Variants in HIVEP3 observed in about 807,000 individuals in gnomAD.
HIVEP3 encodes HIVEP zinc finger 3, also known as transcription factor HIVEP3.
In HIVEP3, 49 loss-of-function variants were observed where a neutral mutation model predicts 152.8. That is an observed-to-expected ratio of 0.32 (90% CI 0.26 to 0.41). HIVEP3 has a LOEUF of 0.41. HIVEP3 is among the 10% of genes least tolerant of loss of function. The pLI is 1.00. For missense variants in HIVEP3, 2,790 were observed against 3,103.3 expected, an observed-to-expected ratio of 0.90 and a Z score of 2.40; for synonymous variants, 1,269 against 1,289.0, an observed-to-expected ratio of 0.98 and a Z score of 0.33.
chr1:41,880,598 G>A (rs770634625), intron 1 of HIVEP3, among the ~76,000 whole-genome samples: 5 of 152,298 alleles, frequency 3.3e-5, no homozygotes, highest in South Asian at 2.1e-4. Flanking sequence ...GAAGAAGAGC[G>A]GAGACTTCCG....
chr1:41,562,756 G>A (rs1374840699), intron 5 of HIVEP3, among the ~76,000 whole-genome samples: 1 of 152,106 alleles, frequency 6.6e-6, no homozygotes, highest in Non-Finnish European at 1.5e-5. Flanking sequence ...TGAATGACTG[G>A]AAGAGACAGA....
chr1:41,512,627 C>T (rs770369149), intron 8 of HIVEP3, among the ~76,000 whole-genome samples, 189 bp downstream of exon 8: 1 of 152,228 alleles, frequency 6.6e-6, no homozygotes, highest in African/African-American at 2.4e-5. Flanking sequence ...GTTTAATAAG[C>T]CAGCTGATTT....
intron 1 of HIVEP3, among the ~76,000 whole-genome samples, chr1:41,924,838 A>G (rs966672475): frequency 1.3e-5 from 2 of 152,180 alleles, no homozygotes; most frequent in Admixed American, 1.3e-4. Context: ...GTATCTCCAA[A>G]CCACCTGAAT....
intron 1 of HIVEP3, among the ~76,000 whole-genome samples, chr1:41,960,910 TC>T (rs1557540253): frequency 6.6e-6 from 1 of 152,206 alleles, no homozygotes; most frequent in Non-Finnish European, 1.5e-5. Flanking sequence ...CTCTCATCCC[TC>T]ATGTACTTTT....
chr1:41,653,727 G>C (rs1285708386), intron 2 of HIVEP3, among the ~76,000 whole-genome samples: 1 of 152,158 alleles, frequency 6.6e-6, no homozygotes, highest in Non-Finnish European at 1.5e-5. Flanking sequence ...TAGGAGGCCA[G>C]GTGTCCTGCA....
intron 5 of HIVEP3, among the ~76,000 whole-genome samples, chr1:41,532,324 G>T (rs559316051): frequency 7.3e-4 from 111 of 151,966 alleles, no homozygotes; most frequent in African/African-American, 2.5e-3. Context: ...CAGAAGAGAT[G>T]GAGGACAGGA....
chr1:41,715,261 G>A (rs79995308), intron 1 of HIVEP3, among the ~76,000 whole-genome samples: 2,598 of 152,326 alleles, frequency 0.017, 75 homozygotes, highest in African/African-American at 0.06. Flanking sequence ...GGAGAGAAGA[G>A]CAGGAGACAG....
At chr1:41,603,358 G>A (rs997502726) in intron 3 of HIVEP3, among the ~76,000 whole-genome samples, 5 of 151,542 alleles carry the variant, frequency 3.3e-5, no homozygotes, top group East Asian at 1.9e-4. Context: ...GTGAGCCACC[G>A]TGCCTGGCCT....
At chr1:41,838,141 T>C (rs1643181002) in intron 1 of HIVEP3, among the ~76,000 whole-genome samples, 1 of 152,204 alleles carries the variant, frequency 6.6e-6, no homozygotes, top group African/African-American at 2.4e-5. Context: ...GTTGAGATAA[T>C]TGTAGATTCA....
intron 1 of HIVEP3, among the ~76,000 whole-genome samples, chr1:41,863,150 C>T (rs1312382965): frequency 6.6e-6 from 1 of 152,194 alleles, no homozygotes; most frequent in African/African-American, 2.4e-5. Context: ...CACATGTCAC[C>T]CAGCATCGAC....
intron 1 of HIVEP3, among the ~76,000 whole-genome samples, chr1:41,767,468 G>T (rs1648086107): frequency 6.6e-6 from 1 of 152,160 alleles, no homozygotes. Flanking sequence ...AGGCTTCCCA[G>T]AGGAGGCAAC....
At chr1:42,019,815 T>C (rs1269980007) in intron 1 of HIVEP3, among the ~76,000 whole-genome samples, 1 of 152,020 alleles carries the variant, frequency 6.6e-6, no homozygotes, top group Non-Finnish European at 1.5e-5. Flanking sequence ...GAGAAGACTT[T>C]CAACATTTCA....
At chr1:41,972,649 T>C (rs1645236336) in intron 1 of HIVEP3, among the ~76,000 whole-genome samples, 1 of 152,160 alleles carries the variant, frequency 6.6e-6, no homozygotes, top group Non-Finnish European at 1.5e-5. Context: ...CTTGAAGAGG[T>C]GGCATGTAAC....
intron 3 of HIVEP3, among the ~76,000 whole-genome samples, chr1:41,600,132 T>A (rs1477414433): frequency 6.6e-6 from 1 of 152,192 alleles, no homozygotes; most frequent in Non-Finnish European, 1.5e-5. Context: ...TGTAAAACGG[T>A]GCAGCCTCTA....
chr1:41,605,174 A>AGGGGG (rs1644802340), intron 3 of HIVEP3, among the ~76,000 whole-genome samples: 3 of 32,854 alleles, frequency 9.1e-5, no homozygotes, highest in African/African-American at 3.8e-4. Flanking sequence ...AGGGGAGGGG[A>AGGGGG]GGGGAGGGGA....
chr1:41,728,184 G>T (rs543343938), intron 1 of HIVEP3, among the ~76,000 whole-genome samples: 27 of 152,088 alleles, frequency 1.8e-4, no homozygotes, highest in Non-Finnish European at 3.7e-4. Context: ...TCTCCTACTT[G>T]GTAGCTGTGC....
At chr1:41,948,041 G>A (rs1247294565) in intron 1 of HIVEP3, among the ~76,000 whole-genome samples, 1 of 152,244 alleles carries the variant, frequency 6.6e-6, no homozygotes, top group South Asian at 2.1e-4. Flanking sequence ...ATGAAGAAAG[G>A]AAAGAACATA....
At chr1:41,897,711 T>C (rs1035459397) in intron 1 of HIVEP3, among the ~76,000 whole-genome samples, 8 of 152,158 alleles carry the variant, frequency 5.3e-5, no homozygotes, top group African/African-American at 1.9e-4. Flanking sequence ...CGTGCTACAG[T>C]TGGACAGAGA....
At chr1:41,957,513 G>A (rs1242746358) in intron 1 of HIVEP3, among the ~76,000 whole-genome samples, 3 of 152,188 alleles carry the variant, frequency 2.0e-5, no homozygotes, top group Admixed American at 6.5e-5. Context: ...AGCCAATCAT[G>A]CCCTTTATGC....
Sources: allele counts gnomAD v4.1 joint callset (sites outside exome capture counted in the v4.1 genomes callset), GRCh38; gene constraint gnomAD v4.1.1; transcripts MANE v1.5; gene names NCBI Gene and HGNC (gene_info 2026-07-23, HGNC 2026-07-21).